LAMC1: variants seen among roughly 807,000 people sequenced by gnomAD.
LAMC1 encodes the protein laminin subunit gamma-1.
In LAMC1, 38 loss-of-function variants were observed where a neutral mutation model predicts 173.6. The ratio of observed to expected loss-of-function variants is 0.22; its 90% confidence interval spans 0.17 to 0.29. LAMC1 has a LOEUF of 0.29. Among genes scored for constraint, LAMC1 ranks in the 10% least tolerant of loss-of-function variants. The pLI is 1.00. For synonymous variants in LAMC1, 746 were observed against 749.1 expected, an observed-to-expected ratio of 1.00 and a Z score of 0.07; for missense variants, 1,824 against 2,051.8, an observed-to-expected ratio of 0.89 and a Z score of 2.14.
chr1:183,100,645 A>G (rs1655809673), intron 1 of LAMC1, among the ~76,000 whole-genome samples: 1 of 152,252 alleles, frequency 6.6e-6, no homozygotes, highest in African/African-American at 2.4e-5. Flanking sequence ...AATCTGGGTT[A>G]GATGATCTTC....
intron 17 of LAMC1, 140 bp downstream of exon 17, chr1:183,127,544 G>T: frequency 1.5e-6 from 1 of 653,632 alleles, no homozygotes. Context: ...CAGTTGGGAG[G>T]CAAATAATAA....
At chr1:183,124,535 G>GT in intron 13 of LAMC1, 96 bp from the exon 14 acceptor site, 2 of 1,440,790 alleles carry the variant, frequency 1.4e-6, no homozygotes, top group Non-Finnish European at 1.9e-6. Flanking sequence ...CTTCTCTCAT[G>GT]TGATGATTAC....
intron 1 of LAMC1, among the ~76,000 whole-genome samples, chr1:183,089,210 A>C (rs1655506131): frequency 6.6e-6 from 1 of 152,226 alleles, no homozygotes; most frequent in Non-Finnish European, 1.5e-5. Context: ...AACAAGTCCC[A>C]TTGTGGGTGC....
intron 1 of LAMC1, among the ~76,000 whole-genome samples, chr1:183,048,745 T>C (rs992591811): frequency 3.9e-5 from 6 of 152,178 alleles, no homozygotes; most frequent in African/African-American, 1.4e-4. Context: ...GTTATAGTAT[T>C]GGGGACATGA....
chr1:183,036,955 T>C (rs1268153096), intron 1 of LAMC1, among the ~76,000 whole-genome samples: 3 of 152,064 alleles, frequency 2.0e-5, no homozygotes, highest in Non-Finnish European at 2.9e-5. Context: ...TTTGTATTTT[T>C]AGTAGAGATG....
rs1282320845 is a variant in LAMC1 at position 183,143,889 on chromosome 1, T to G, written c.*1099T>G. On this transcript the variant is annotated 3_prime_UTR_variant, in exon 28 of 28. Coordinates refer to ENST00000258341, the MANE Select transcript of LAMC1 (RefSeq NM_002293.4). ...CCTTAGCTCCAGTTTTCTTCTGATG[T>G]TTCCATCTTCCAGAATCCCTCAAAA... 2 of 152,190 alleles carry G rather than the reference T, an allele frequency of 1.3e-5. No homozygotes were observed. Among genetic ancestry groups the G allele is most frequent in the African/African-American group, 4.8e-5 (2 of 41,456 alleles). The allele number at this position is 152,190 out of a possible 1,614,324, so 9.4% of individuals were successfully genotyped here.
At chr1:183,071,793 CAAG>C (rs1474169117) in intron 1 of LAMC1, among the ~76,000 whole-genome samples, 2 of 152,156 alleles carry the variant, frequency 1.3e-5, no homozygotes, top group Admixed American at 6.5e-5. Flanking sequence ...TTCCCAAACA[CAAG>C]AAGGTGTGTG....
chr1:183,035,487 G>C (rs1653956631), intron 1 of LAMC1, among the ~76,000 whole-genome samples: 1 of 152,158 alleles, frequency 6.6e-6, no homozygotes, highest in Admixed American at 6.5e-5. Context: ...ATGCCCAGCT[G>C]AGGATTGTTT....
At chr1:183,079,837 A>G (rs1457636147) in intron 1 of LAMC1, among the ~76,000 whole-genome samples, 1 of 152,260 alleles carries the variant, frequency 6.6e-6, no homozygotes, top group Non-Finnish European at 1.5e-5. Flanking sequence ...TTATTAGATT[A>G]CACAGAATTC....
At chr1:183,133,755 A>C (rs893540628) in intron 22 of LAMC1, among the ~76,000 whole-genome samples, 1 of 152,176 alleles carries the variant, frequency 6.6e-6, no homozygotes, top group Non-Finnish European at 1.5e-5. Context: ...CTGAGGTGGG[A>C]GGATTCCTTG....
chr1:183,100,773 G>A (rs1312998018), intron 1 of LAMC1, among the ~76,000 whole-genome samples: 2 of 152,154 alleles, frequency 1.3e-5, no homozygotes, highest in Admixed American at 6.5e-5. Flanking sequence ...GGTGGTGCAC[G>A]TGACTCTCTT....
chr1:183,027,981 A>C (rs564618094), intron 1 of LAMC1, among the ~76,000 whole-genome samples: 68 of 152,348 alleles, frequency 4.5e-4, no homozygotes, highest in African/African-American at 1.6e-3. Context: ...TGAGAAGTTA[A>C]GGAGCTCTTC....
chr1:183,102,859 T>C (rs532942626), intron 1 of LAMC1, among the ~76,000 whole-genome samples: 2 of 152,334 alleles, frequency 1.3e-5, no homozygotes, highest in East Asian at 1.9e-4. Context: ...GCTGATGATA[T>C]TCTTTCTGCG....
chr1:183,124,103 A>G (rs1015840288), intron 13 of LAMC1, among the ~76,000 whole-genome samples: 2 of 152,210 alleles, frequency 1.3e-5, no homozygotes, highest in African/African-American at 2.4e-5. Flanking sequence ...ACAAGCAGTC[A>G]GCAACTGATG....
At chr1:183,047,657 G>A (rs932859778) in intron 1 of LAMC1, among the ~76,000 whole-genome samples, 7 of 152,206 alleles carry the variant, frequency 4.6e-5, no homozygotes, top group African/African-American at 1.7e-4. Flanking sequence ...CACTACAGAA[G>A]TAGTTCTCAA....
chr1:183,097,737 C>A (rs1455435837), intron 1 of LAMC1, among the ~76,000 whole-genome samples: 4 of 152,200 alleles, frequency 2.6e-5, no homozygotes, highest in African/African-American at 9.7e-5. Flanking sequence ...GTCGATGCGG[C>A]CTGTTCCCCT....
At chr1:183,077,776 G>GTGTGTGTATATATATATA in intron 1 of LAMC1, among the ~76,000 whole-genome samples, 3 of 116,520 alleles carry the variant, frequency 2.6e-5, no homozygotes, top group Non-Finnish European at 5.6e-5. Context: ...TGGCCATTGT[G>GTGTGTGTATATATATATA]TATATATATA....
Position 183,122,046 on chromosome 1 carries a change from G to A in LAMC1, c.2213-17G>A, listed in dbSNP as rs12095288. On this transcript the variant is annotated splice_polypyrimidine_tract_variant and intron_variant, in intron 12 of 27. Coordinates refer to ENST00000258341, the MANE Select transcript of LAMC1 (RefSeq NM_002293.4). ...CTTGTACATTTGCCTGTTTTCTCAC[G>A]CCTGCCTTCCAAATAGGTGTTTGTA... 5.3e-3 allele frequency: 8,508 copies of A among 1,610,592 alleles called. 292 individuals carry two copies. In the African/African-American group the frequency reaches 0.086, roughly 16 times the overall value.
chr1:183,083,237 GTCTA>G (rs1257185313), intron 1 of LAMC1, among the ~76,000 whole-genome samples: 1 of 152,084 alleles, frequency 6.6e-6, no homozygotes, highest in Non-Finnish European at 1.5e-5. Context: ...GTTGATGATG[GTCTA>G]TCTGTCTTTA....
Sources: allele counts gnomAD v4.1 joint callset (sites outside exome capture counted in the v4.1 genomes callset), GRCh38; gene constraint gnomAD v4.1.1; transcripts MANE v1.5; gene names NCBI Gene and HGNC (gene_info 2026-07-23, HGNC 2026-07-21).